The following ARB2A variants were observed in gnomAD, a reference collection of about 807,000 sequenced individuals.
The protein encoded by ARB2A is ARB2 cotranscriptional regulator A.
At chr5:93,808,646 T>G in the ARB2A span, among the ~76,000 whole-genome samples, 2 of 151,880 alleles carry the variant, frequency 1.3e-5, no homozygotes. Flanking sequence ...ATAATAACCT[T>G]AAGACCTAGT....
the ARB2A span, among the ~76,000 whole-genome samples, chr5:93,894,562 C>T: frequency 1.3e-5 from 2 of 152,118 alleles, no homozygotes; most frequent in South Asian, 2.1e-4. Flanking sequence ...TCTCTCAAAA[C>T]CTTCAAAATC....
At chr5:93,658,981 A>C in the ARB2A span, among the ~76,000 whole-genome samples, 2 of 151,764 alleles carry the variant, frequency 1.3e-5, no homozygotes, top group Non-Finnish European at 2.9e-5. Context: ...GATAACTAAG[A>C]TACACGGCAT....
chr5:93,797,747 A>T, the ARB2A span, among the ~76,000 whole-genome samples: 5 of 152,274 alleles, frequency 3.3e-5, no homozygotes, highest in South Asian at 2.1e-4. Context: ...TACAAAACAG[A>T]ATTACACACA....
At chr5:94,012,356 C>A in the ARB2A span, among the ~76,000 whole-genome samples, 55 of 152,322 alleles carry the variant, frequency 3.6e-4, 1 homozygote, top group African/African-American at 1.3e-3. Flanking sequence ...GAGCAGAAAT[C>A]GCGCCACTGC....
chr5:93,788,156 G>A, the ARB2A span, among the ~76,000 whole-genome samples: 9 of 152,094 alleles, frequency 5.9e-5, no homozygotes, highest in Non-Finnish European at 8.8e-5. Context: ...TATGCCATCT[G>A]TATGCAAGTT....
chr5:93,629,416 G>T, the ARB2A span, among the ~76,000 whole-genome samples: 1 of 151,738 alleles, frequency 6.6e-6, no homozygotes, highest in Non-Finnish European at 1.5e-5. Flanking sequence ...TTTTTGAAAG[G>T]GCGGTAACAG....
At chr5:94,048,051 C>CTTTTTTTTTTTTTTTTTTTTTTTTTTT in the ARB2A span, among the ~76,000 whole-genome samples, 1 of 96,078 alleles carries the variant, frequency 1.0e-5, no homozygotes, top group African/African-American at 4.0e-5. Context: ...AATCGGTAAG[C>CTTTTTTTTTTTTTTTTTTTTTTTTTTT]TTTTTTTTTT....
the ARB2A span, among the ~76,000 whole-genome samples, chr5:93,732,002 G>A: frequency 1.3e-5 from 2 of 152,286 alleles, no homozygotes; most frequent in South Asian, 2.1e-4. Flanking sequence ...GTTCAAGACC[G>A]AAGTAGCTAA....
chr5:93,768,145 T>TA, the ARB2A span, among the ~76,000 whole-genome samples: 2 of 150,736 alleles, frequency 1.3e-5, no homozygotes, highest in African/African-American at 2.4e-5. Context: ...GGAGCTAAGG[T>TA]ATGAGGACGT....
the ARB2A span, among the ~76,000 whole-genome samples, chr5:94,073,614 C>T: frequency 1.3e-5 from 2 of 152,068 alleles, no homozygotes; most frequent in Non-Finnish European, 2.9e-5. Context: ...CACATTAAGG[C>T]TGAACATGCA....
chr5:93,692,320 C>T, the ARB2A span, among the ~76,000 whole-genome samples: 1 of 151,958 alleles, frequency 6.6e-6, no homozygotes, highest in African/African-American at 2.4e-5. Context: ...CAAAATAAAA[C>T]AATGGAGGGA....
chr5:94,107,725 C>G, the ARB2A span, among the ~76,000 whole-genome samples: 1 of 152,132 alleles, frequency 6.6e-6, no homozygotes, highest in African/African-American at 2.4e-5. Flanking sequence ...ATGATCTGAA[C>G]AACTTCGCTT....
chr5:93,711,980 TGA>T, the ARB2A span, among the ~76,000 whole-genome samples: 9 of 152,060 alleles, frequency 5.9e-5, no homozygotes, highest in African/African-American at 2.2e-4. Context: ...TGGAAATGAG[TGA>T]GAGGCTGAGA....
chr5:93,829,223 C>T, the ARB2A span, among the ~76,000 whole-genome samples: 1 of 152,278 alleles, frequency 6.6e-6, no homozygotes, highest in East Asian at 1.9e-4. Context: ...CAAACACATC[C>T]CTTTTCCCCC....
At chr5:93,911,163 T>C in the ARB2A span, among the ~76,000 whole-genome samples, 4 of 151,620 alleles carry the variant, frequency 2.6e-5, no homozygotes, top group African/African-American at 9.7e-5. Context: ...GAGAACTTTC[T>C]AATACAGTCT....
At chr5:93,691,968 C>T in the ARB2A span, among the ~76,000 whole-genome samples, 1 of 152,234 alleles carries the variant, frequency 6.6e-6, no homozygotes, top group African/African-American at 2.4e-5. Context: ...TACAGATAAG[C>T]AAATGCTAAG....
At chr5:93,814,024 C>T in the ARB2A span, among the ~76,000 whole-genome samples, 1 of 152,170 alleles carries the variant, frequency 6.6e-6, no homozygotes, top group African/African-American at 2.4e-5. Context: ...TTCAAAATTT[C>T]AGGGCCACAG....
the ARB2A span, chr5:93,740,860 G>A: frequency 1.2e-6 from 2 of 1,613,906 alleles, no homozygotes; most frequent in African/African-American, 1.3e-5. Flanking sequence ...CTGGGGTGTG[G>A]GCTTAGGGCA....
At chr5:93,618,522 G>A in the ARB2A span, 3 of 148,174 alleles carry the variant, frequency 2.0e-5, no homozygotes, top group South Asian at 6.3e-4. Context: ...CCGTCCTCAT[G>A]CAGGTGGGCT....
Sources: allele counts gnomAD v4.1 joint callset (sites outside exome capture counted in the v4.1 genomes callset), GRCh38; gene constraint gnomAD v4.1.1; transcripts MANE v1.5; gene names NCBI Gene and HGNC (gene_info 2026-07-23, HGNC 2026-07-21).